The following CLNK variants were observed in gnomAD, a reference collection of about 807,000 sequenced individuals.
CLNK encodes the protein cytokine-dependent hematopoietic cell linker.
CLNK carries 74 observed loss-of-function variants against 68.6 expected under a neutral mutation model. That is an observed-to-expected ratio of 1.08 (90% CI 0.89 to 1.31). CLNK has a LOEUF of 1.31. CLNK is among the 50% of genes most tolerant of loss of function. CLNK has a pLI of 0.00. For synonymous variants in CLNK, 198 were observed against 172.2 expected, an observed-to-expected ratio of 1.15 and a Z score of -1.17; for missense variants, 553 against 515.3, an observed-to-expected ratio of 1.07 and a Z score of -0.71.
At chr4:10,519,875 C>G (rs1368492866) in intron 15 of CLNK, among the ~76,000 whole-genome samples, 1 of 151,968 alleles carries the variant, frequency 6.6e-6, no homozygotes, top group African/African-American at 2.4e-5. Context: ...TGTCAGTTAA[C>G]ATTACTACTT....
chr4:10,622,433 C>T (rs950879359), intron 2 of CLNK, among the ~76,000 whole-genome samples: 1 of 152,134 alleles, frequency 6.6e-6, no homozygotes, highest in Non-Finnish European at 1.5e-5. Flanking sequence ...CAATTCATGA[C>T]GGGATGTGAC....
intron 11 of CLNK, among the ~76,000 whole-genome samples, chr4:10,535,936 T>A (rs1161263609): frequency 6.6e-6 from 1 of 152,224 alleles, no homozygotes; most frequent in Non-Finnish European, 1.5e-5. Flanking sequence ...ACCAACATTC[T>A]CCAAACTTCG....
intron 2 of CLNK, among the ~76,000 whole-genome samples, chr4:10,617,575 T>A (rs1722285325): frequency 1.3e-5 from 2 of 152,248 alleles, no homozygotes; most frequent in Non-Finnish European, 1.5e-5. Context: ...GTAAATTAAA[T>A]GGCAATGAAA....
chr4:10,507,883 C>G lies in CLNK; in HGVS notation c.984+76G>C, dbSNP rs976766514. The G allele has an allele frequency of 1.1e-5, 12 of 1,060,050 alleles. No individual in the cohort carries two copies. In the Admixed American group the frequency reaches 2.1e-4, roughly 18 times the overall value. 65.7% of individuals were successfully genotyped at this position (1,060,050 alleles called of 1,614,324 possible). A position where few individuals can be genotyped will look rare whatever the true frequency, so the allele number is the denominator to read the frequency against. ...ATACATGAAAGCAAGCTGCTTGTTA[C>G]GTCTTGTGACACATAAGCAGAGAAC... On this transcript the variant is annotated intron_variant, in intron 17 of 18. Transcript: ENST00000226951.
chr4:10,665,654 C>A (rs756973958), intron 2 of CLNK, among the ~76,000 whole-genome samples: 1 of 126,068 alleles, frequency 7.9e-6, no homozygotes, highest in Non-Finnish European at 1.6e-5. Context: ...CAGAGCAAGA[C>A]TTCGTCTCAA....
chr4:10,500,565 C>T (rs573450394), intron 18 of CLNK, among the ~76,000 whole-genome samples: 44 of 151,746 alleles, frequency 2.9e-4, no homozygotes, highest in African/African-American at 9.2e-4. Flanking sequence ...CTGTAATTCC[C>T]GCTACTCAGG....
At chr4:10,565,470 G>C (rs1189445608) in intron 6 of CLNK, among the ~76,000 whole-genome samples, 1 of 152,360 alleles carries the variant, frequency 6.6e-6, no homozygotes, top group African/African-American at 2.4e-5. Flanking sequence ...TAGAGACAGA[G>C]GTGGGTGTGA....
rs549058381 is a variant in CLNK at position 10,488,609 on chromosome 4, G to A, written c.*1858C>T. ...GTAATCCTCTGCAGGCATACTCTAC[G>A]ATAGGCTCAGCTGGGTCTCAAAAGT... is the stretch of plus-strand genomic sequence containing the variant. On this transcript the variant is annotated 3_prime_UTR_variant, in exon 19 of 19. Coordinates refer to ENST00000226951, the MANE Select transcript of CLNK (RefSeq NM_052964.4). The A allele has an allele frequency of 2.0e-5, 3 of 152,162 alleles. No individual in the cohort carries two copies. The highest frequency in any genetic ancestry group is 2.9e-5 in the Non-Finnish European group (2 of 68,026). The allele number at this position is 152,162 out of a possible 1,614,324, so 9.4% of individuals were successfully genotyped here.
the CLNK span, among the ~76,000 whole-genome samples, chr4:10,698,082 A>C: frequency 6.6e-6 from 1 of 152,188 alleles, no homozygotes; most frequent in Non-Finnish European, 1.5e-5. Flanking sequence ...GTTCGGAATT[A>C]AGACCTTTAT....
intron 17 of CLNK, among the ~76,000 whole-genome samples, chr4:10,505,251 G>A (rs139392967): frequency 5.3e-5 from 8 of 152,146 alleles, no homozygotes; most frequent in South Asian, 2.1e-4. Flanking sequence ...AACCACCCAC[G>A]GCTCTCCACC....
At chr4:10,553,051 A>AG (rs11404268) in intron 8 of CLNK, among the ~76,000 whole-genome samples, 51,353 of 151,238 alleles carry the variant, frequency 0.34, 9,227 homozygotes, top group African/African-American at 0.44. Flanking sequence ...CAGGAAGAGG[A>AG]GGGGGGGGCA....
At chr4:10,718,415 A>G in the CLNK span, among the ~76,000 whole-genome samples, 1 of 152,188 alleles carries the variant, frequency 6.6e-6, no homozygotes, top group Non-Finnish European at 1.5e-5. Flanking sequence ...AATATCATAT[A>G]AAGAAAAAGT....
chr4:10,716,435 G>C, the CLNK span, among the ~76,000 whole-genome samples: 5 of 152,000 alleles, frequency 3.3e-5, no homozygotes, highest in Non-Finnish European at 7.4e-5. Flanking sequence ...AAAAACCCTG[G>C]GCATACTTTA....
chr4:10,704,852 G>GGTTT, the CLNK span, among the ~76,000 whole-genome samples: 1 of 152,196 alleles, frequency 6.6e-6, no homozygotes, highest in Non-Finnish European at 1.5e-5. Context: ...GCACCCAATA[G>GGTTT]GTTTGCAGCA....
At chr4:10,538,470 T>A (rs1423670630) in intron 11 of CLNK, among the ~76,000 whole-genome samples, 2 of 152,240 alleles carry the variant, frequency 1.3e-5, no homozygotes, top group African/African-American at 2.4e-5. Flanking sequence ...CTTACTTCTC[T>A]GAGGTTTGAT....
chr4:10,729,242 A>G, the CLNK span, among the ~76,000 whole-genome samples: 1 of 152,178 alleles, frequency 6.6e-6, no homozygotes, highest in Non-Finnish European at 1.5e-5. Flanking sequence ...CAGAATGGCT[A>G]TTACTAAAAA....
chr4:10,714,425 T>A, the CLNK span, among the ~76,000 whole-genome samples: 1 of 152,194 alleles, frequency 6.6e-6, no homozygotes, highest in Non-Finnish European at 1.5e-5. Context: ...ACCTGAGTTT[T>A]CCAAACCTAT....
At chr4:10,549,141 A>C (rs1393101714) in intron 8 of CLNK, among the ~76,000 whole-genome samples, 1 of 152,230 alleles carries the variant, frequency 6.6e-6, no homozygotes, top group East Asian at 1.9e-4. Context: ...AATAGTTACA[A>C]AAATCCACGG....
rs570760197 is a variant in CLNK at position 10,659,482 on chromosome 4, G to A, written c.11+8377C>T. 5.3e-5 allele frequency among the ~76,000 whole-genome samples: 8 copies of A among 152,280 alleles called. No homozygotes were observed. In the South Asian group the frequency reaches 1.7e-3, roughly 32 times the overall value. On this transcript the variant is annotated intron_variant, in intron 2 of 18. Transcript: ENST00000226951. ...CACATGGCCAACCAATATTTCTGTT[G>A]GATTATTGCAGAGCTATACTTCTAT...
Sources: allele counts gnomAD v4.1 joint callset (sites outside exome capture counted in the v4.1 genomes callset), GRCh38; gene constraint gnomAD v4.1.1; transcripts MANE v1.5; gene names NCBI Gene and HGNC (gene_info 2026-07-23, HGNC 2026-07-21).